The following UIMC1 variants were observed in gnomAD, a reference collection of about 807,000 sequenced individuals.
The protein encoded by UIMC1 is ubiquitin interaction motif containing 1.
Under a neutral mutation model 84.9 loss-of-function variants are expected in UIMC1, and 42 were observed. That is an observed-to-expected ratio of 0.49 (90% CI 0.39 to 0.64). The LOEUF (loss-of-function observed/expected upper bound fraction) is 0.64. UIMC1 is among the 30% of genes least tolerant of loss of function. UIMC1 has a pLI of 0.00. For missense variants in UIMC1, 825 were observed against 847.6 expected (o/e 0.97, Z 0.33); for synonymous variants, 281 against 293.0 (o/e 0.96, Z 0.42).
At chr5:176,933,541 CT>C (rs1316347240) in intron 10 of UIMC1, among the ~76,000 whole-genome samples, 1 of 134,822 alleles carries the variant, frequency 7.4e-6, no homozygotes, top group East Asian at 2.2e-4. Flanking sequence ...TTTTTTTTTT[CT>C]TTTTTTGAGA....
At chr5:176,991,375 C>T (rs1053056770) in intron 1 of UIMC1, among the ~76,000 whole-genome samples, 5 of 151,730 alleles carry the variant, frequency 3.3e-5, no homozygotes, top group South Asian at 4.2e-4. Context: ...TGAAGACTAC[C>T]CAAAGAGCAA....
chr5:177,001,822 C>T (rs551823192), intron 1 of UIMC1, among the ~76,000 whole-genome samples: 2 of 150,866 alleles, frequency 1.3e-5, no homozygotes, highest in Non-Finnish European at 2.9e-5. Context: ...AGGTAGCAGG[C>T]GCCTGCAGTC....
rs1766534152 is a variant in UIMC1, at chr5:176,955,868, A to G, written c.1339+91T>C. 3.3e-6 allele frequency: 4 copies of G among 1,196,358 alleles called. No homozygotes were observed. The Admixed American group carries it at 7.5e-5, about 22-fold the overall frequency. 74.1% of individuals were successfully genotyped at this position (1,196,358 alleles called of 1,614,324 possible). On this transcript the variant is annotated intron_variant, in intron 8 of 14. Transcript: ENST00000511320. ...GTATCAATTACATACAAACCTCCAG[A>G]GAGTAGGTTTGAAGAGTCAGAGGAA...
chr5:176,993,043 G>A (rs1458185231), intron 1 of UIMC1, among the ~76,000 whole-genome samples: 1 of 151,760 alleles, frequency 6.6e-6, no homozygotes, highest in Non-Finnish European at 1.5e-5. Flanking sequence ...AAAATCAGCT[G>A]GGCATGGTGG....
At position 176,931,298 on chromosome 5, in the gene UIMC1, T is replaced by C. The variant is rs148750669; in HGVS notation, c.1597+12037A>G. ...GCCTGAATTTAAAAGTGTGACTAGATCATGAAGTGAAGAACTTCTCTAAAA... is the reference window on the plus strand; with the variant it reads ...GCCTGAATTTAAAAGTGTGACTAGACCATGAAGTGAAGAACTTCTCTAAAA... On this transcript the variant is annotated intron_variant, in intron 10 of 14. Transcript: ENST00000511320. 2.1e-3 allele frequency among the ~76,000 whole-genome samples: 314 copies of C among 152,316 alleles called. 1 individual carries two copies. Among genetic ancestry groups the C allele is most frequent in the African/African-American group, 7.1e-3 (295 of 41,578 alleles).
intron 10 of UIMC1, among the ~76,000 whole-genome samples, chr5:176,922,229 G>C (rs529521644): frequency 4.6e-5 from 7 of 152,254 alleles, no homozygotes; most frequent in African/African-American, 1.7e-4. Flanking sequence ...CTTGTGTTTA[G>C]TACTGTACCC....
chr5:176,985,600 C>T (rs1771862324), intron 1 of UIMC1, among the ~76,000 whole-genome samples: 1 of 151,876 alleles, frequency 6.6e-6, no homozygotes, highest in African/African-American at 2.4e-5. Flanking sequence ...TTATAATTTA[C>T]CTACAAGTTT....
At chr5:176,949,813 A>G (rs1014502732) in intron 9 of UIMC1, among the ~76,000 whole-genome samples, 2 of 152,154 alleles carry the variant, frequency 1.3e-5, no homozygotes, top group Non-Finnish European at 2.9e-5. Flanking sequence ...TAATCCCAGC[A>G]CTTTGGGAGG....
chr5:176,958,004 C>T lies in UIMC1; in HGVS notation c.1262+89G>A, dbSNP rs995747462. ...AAAGAGCTAAAAGTTCTCTGGCAAG[C>T]TGTCCACGTACAGTCTCACTCATGT... On this transcript the variant is annotated intron_variant, in intron 7 of 14. Coordinates refer to ENST00000511320, the MANE Select transcript of UIMC1 (RefSeq NM_001199298.2). The T allele has an allele frequency of 9.0e-6, 11 of 1,218,536 alleles. No individual in the cohort carries two copies. The African/African-American group carries it at 9.1e-5, about 10-fold the overall frequency. The allele number at this position is 1,218,536 out of a possible 1,614,324, so 75.5% of individuals were successfully genotyped here. A position where few individuals can be genotyped will look rare whatever the true frequency, so the allele number is the denominator to read the frequency against.
At chr5:176,941,913 G>A (rs895853873) in intron 10 of UIMC1, among the ~76,000 whole-genome samples, 5 of 151,890 alleles carry the variant, frequency 3.3e-5, no homozygotes, top group African/African-American at 7.3e-5. Context: ...GCACGATCTC[G>A]GCTCATTACA....
chr5:177,006,708 A>C lies in UIMC1; in HGVS notation c.-67T>G. 1 of 151,716 alleles carries C rather than the reference A, an allele frequency of 6.6e-6. No homozygotes were observed. Among genetic ancestry groups the C allele is most frequent in the African/African-American group, 2.4e-5 (1 of 41,312 alleles). 9.4% of individuals were successfully genotyped at this position (151,716 alleles called of 1,614,324 possible). A position where few individuals can be genotyped will look rare whatever the true frequency, so the allele number is the denominator to read the frequency against. ...GGGTTGCCGGGGGTCGCGAGCCGCC[A>C]CACGTTGGGAGCGCGGGGGGAGGGG... On this transcript the variant is annotated 5_prime_UTR_variant, in exon 1 of 15. Transcript: ENST00000511320.
intron 1 of UIMC1, among the ~76,000 whole-genome samples, chr5:176,999,069 G>GTA (rs1420080725): frequency 1.3e-5 from 2 of 152,170 alleles, no homozygotes; most frequent in Non-Finnish European, 2.9e-5. Flanking sequence ...TTGCATACCT[G>GTA]TAGTCCCAGC....
intron 1 of UIMC1, among the ~76,000 whole-genome samples, chr5:176,998,778 AAAAC>A (rs1311238556): frequency 6.6e-6 from 1 of 152,168 alleles, no homozygotes; most frequent in Admixed American, 6.6e-5. Context: ...AAAAAAAACA[AAAAC>A]AAAACAAAAC....
chr5:176,911,271 T>C, intron 11 of UIMC1, 40 bp downstream of exon 11: 1 of 1,530,222 alleles, frequency 6.5e-7, no homozygotes, highest in Non-Finnish European at 8.9e-7. Context: ...AACGATGGTA[T>C]GTTATACAAG....
chr5:176,988,144 A>C (rs962400726), intron 1 of UIMC1, among the ~76,000 whole-genome samples: 1 of 152,010 alleles, frequency 6.6e-6, no homozygotes, highest in African/African-American at 2.4e-5. Flanking sequence ...AAAAAAAAAA[A>C]AAAAAAACTC....
intron 1 of UIMC1, among the ~76,000 whole-genome samples, chr5:177,018,808 T>C (rs1490738659): frequency 1.3e-5 from 2 of 152,172 alleles, no homozygotes; most frequent in African/African-American, 4.8e-5. Context: ...ACAGCACTCA[T>C]TGGAGAATAA....
At chr5:176,920,694 CTCTAGGATTT>C (rs1761598516) in intron 10 of UIMC1, among the ~76,000 whole-genome samples, 8 of 152,178 alleles carry the variant, frequency 5.3e-5, no homozygotes. Context: ...TCAGTGGATT[CTCTAGGATTT>C]TCTATATAAA....
At chr5:176,922,504 T>C (rs776544508) in intron 10 of UIMC1, among the ~76,000 whole-genome samples, 1 of 152,252 alleles carries the variant, frequency 6.6e-6, no homozygotes, top group Non-Finnish European at 1.5e-5. Context: ...TGCTTTATCA[T>C]CTGTCTCTCT....
chr5:176,968,766 G>A lies in UIMC1; in HGVS notation c.989C>T (p.Ser330Phe). ...TTGGCCACATTCATTCTGGATCAGA[G>A]AAGGAGGTCTAGGTAACACTGGTTC... ...FGEPVLPRPP[S>F]LIQNECGQGE... is the part of the protein sequence containing the mutation. Residue 330 changes from serine to phenylalanine, a missense_variant, in exon 6 of 15, where the codon TCT becomes TTT. Ser to Phe is a radical substitution (Grantham distance 155). Coordinates refer to ENST00000511320, the MANE Select transcript of UIMC1 (RefSeq NM_001199298.2). The A allele has an allele frequency of 6.2e-7, 1 of 1,614,146 alleles. No homozygotes were observed. Among genetic ancestry groups the A allele is most frequent in the Non-Finnish European group, 8.5e-7 (1 of 1,180,036 alleles).
Sources: gnomAD v4.1 joint callset for allele counts (sites outside exome capture counted in the v4.1 genomes callset) on GRCh38, gnomAD v4.1.1 for gene constraint, MANE v1.5 for transcripts, NCBI Gene and HGNC (gene_info 2026-07-23, HGNC 2026-07-21) for gene names.